The following MAP3K6 variants were observed in gnomAD, a reference collection of about 807,000 sequenced individuals.
MAP3K6 encodes the protein mitogen-activated protein kinase kinase kinase 6.
A neutral mutation model predicts 147.1 loss-of-function variants in MAP3K6; 105 were observed. That is an observed-to-expected ratio of 0.71 (90% CI 0.61 to 0.84). The LOEUF (loss-of-function observed/expected upper bound fraction) is 0.84, where lower values mean the gene tolerates loss of function less well. Among genes scored for constraint, MAP3K6 ranks in the 40% least tolerant of loss-of-function variants. The pLI is 0.00. For missense variants in MAP3K6, 1,569 were observed against 1,715.0 expected (o/e 0.91, Z 1.50); for synonymous variants, 695 against 732.4 (o/e 0.95, Z 0.82).
At position 27,358,685 on chromosome 1, in the gene MAP3K6, G is replaced by C. The variant is rs1224749488; in HGVS notation, c.2583+24C>G. 6.2e-7 allele frequency: 1 copy of C among 1,613,492 alleles called. No homozygotes were observed. Among genetic ancestry groups the C allele is most frequent in the African/African-American group, 1.3e-5 (1 of 74,910 alleles). The stretch of plus-strand genomic sequence containing the variant: ...CAGGCTGGCCCTATGCCACTTCCAT[G>C]GGCCAGGCCCAAAGAGGTCTCACCT... On this transcript the variant is annotated intron_variant, in intron 19 of 28. Coordinates refer to ENST00000357582, the MANE Select transcript of MAP3K6 (RefSeq NM_004672.5). The surrounding 1 kb of genome is among the most constrained non-coding windows in gnomAD (Gnocchi z 6.2).
Position 27,363,431 on chromosome 1 carries a change from C to T in MAP3K6, c.971+11G>A. The T allele has an allele frequency of 6.2e-7, 1 of 1,607,306 alleles. No homozygotes were observed. The highest frequency in any genetic ancestry group is 8.5e-7 in the Non-Finnish European group (1 of 1,176,078). On this transcript the variant is annotated intron_variant, in intron 6 of 28. Coordinates refer to ENST00000357582, the MANE Select transcript of MAP3K6 (RefSeq NM_004672.5). ...ATGTGGCTATGACCTAACCCTTGCT[C>T]TGCCACTCACCGGTTGAGGGCAAAA...
Position 27,355,202 on chromosome 1 carries a change from A to G in MAP3K6, c.*189T>C. ...ACAAAGGTTCAAAAGTGTTCTGTTT[A>G]ATACGCTTTGTCTGGTAGTGCTTGG... is the stretch of plus-strand genomic sequence containing the variant. On this transcript the variant is annotated 3_prime_UTR_variant, in exon 29 of 29. Coordinates refer to ENST00000357582, the MANE Select transcript of MAP3K6 (RefSeq NM_004672.5). The G allele has an allele frequency of 2.9e-6, 2 of 684,628 alleles. No homozygotes were observed. The highest frequency in any genetic ancestry group is 5.4e-6 in the Non-Finnish European group (2 of 372,348). The allele number at this position is 684,628 out of a possible 1,614,324, so 42.4% of individuals were successfully genotyped here.
Position 27,359,519 on chromosome 1 carries a change from C to G in MAP3K6, c.2323G>C (p.Asp775His). 3 of 1,614,078 alleles carry G rather than the reference C, an allele frequency of 1.9e-6. No homozygotes were observed. Among genetic ancestry groups the G allele is most frequent in the African/African-American group, 1.3e-5 (1 of 75,016 alleles). ...NHIVHRDIKG[D>H]NVLINTFSGL... The stretch of plus-strand genomic sequence containing the variant: ...CTGAAGGTGTTGATCAGCACATTGT[C>G]CCCCTGATTGACAGCCATTAGTGGA... Residue 775 changes from aspartate to histidine, a missense_variant, in exon 18 of 29, where the codon GAC becomes CAC. Physicochemically the swap from Asp to His is moderately conservative, Grantham distance 81. Transcript: ENST00000357582. This position sits in a 1 kb window ranked among gnomAD's most constrained non-coding sequence, Gnocchi z 4.4.
intron 8 of MAP3K6, 84 bp downstream of exon 8, chr1:27,362,557 C>A: frequency 9.4e-7 from 1 of 1,066,130 alleles, no homozygotes; most frequent in Non-Finnish European, 1.4e-6. Context: ...CTAGCTCTTG[C>A]CCAGTGTGCT....
chr1:27,362,434 G>A (rs962598242), intron 8 of MAP3K6, among the ~76,000 whole-genome samples, 184 bp from the exon 9 acceptor site: 13 of 152,204 alleles, frequency 8.5e-5, no homozygotes, highest in Non-Finnish European at 2.9e-5. Context: ...TAATGGACAC[G>A]CAGATGTGAG....
chr1:27,361,339 C>G lies in MAP3K6; in HGVS notation c.1736+7G>C. 6.2e-7 allele frequency: 1 copy of G among 1,614,016 alleles called. No individual in the cohort carries two copies. The highest frequency in any genetic ancestry group is 1.1e-5 in the South Asian group (1 of 91,068). ...TCTTTCCAGTCACCCCAGGTCCCGCCTATCACCTGACTCCGCATATGGAGG... is the reference window on the plus strand; with the variant it reads ...TCTTTCCAGTCACCCCAGGTCCCGCGTATCACCTGACTCCGCATATGGAGG... On this transcript the variant is annotated splice_region_variant and intron_variant, in intron 12 of 28. Transcript: ENST00000357582.
rs768233472 is a variant in MAP3K6 at position 27,360,278 on chromosome 1, G to A, written c.2145C>T (p.Gly715=). 1 of 1,614,066 alleles carries A rather than the reference G, an allele frequency of 6.2e-7. No homozygotes were observed. Among genetic ancestry groups the A allele is most frequent in the Non-Finnish European group, 8.5e-7 (1 of 1,179,976 alleles). Residue 715 remains glycine (G), a synonymous_variant, in exon 16 of 29, where the codon GGC becomes GGT. Transcript: ENST00000357582. This position sits in a 1 kb window ranked among gnomAD's most constrained non-coding sequence, Gnocchi z 4.5. ...CCTCCATGAAGATCTTAAGGTAGCC[G>A]CCCTGGCTAGCTGAGCCCAGATAGC... ...IVRYLGSASQ[G]GYLKIFMEEV... is the part of the protein sequence containing the mutation.
At position 27,360,159 on chromosome 1, in the gene MAP3K6, C is replaced by T. The variant is rs529237394; in HGVS notation, c.2182+82G>A. ...ACCCACACGCACTAGGGTGCATTTC[C>T]CCCTAGGGCTCTCTACCCCTGCCTG... On this transcript the variant is annotated intron_variant, in intron 16 of 28. Coordinates refer to ENST00000357582, the MANE Select transcript of MAP3K6 (RefSeq NM_004672.5). This position sits in a 1 kb window ranked among gnomAD's most constrained non-coding sequence, Gnocchi z 4.5. The T allele has an allele frequency of 8.4e-5, 133 of 1,585,786 alleles. 2 individuals are homozygous for T. In the South Asian group the frequency reaches 1.5e-3, roughly 18 times the overall value.
In MAP3K6 at chr1:27,357,777, G is replaced by A. The variant is rs2015586588; in HGVS notation, c.3015C>T (p.Ala1005=). The stretch of plus-strand genomic sequence containing the variant: ...CTGGCAGCTCCTGCTCCAATACTGC[G>A]GCCAGCATGGCCCGACGCTTGCTCT... The part of the protein sequence containing the change: ...HQESKRRAML[A]AVLEQELPAL... Residue 1005 remains alanine (A), a synonymous_variant, in exon 22 of 29, where the codon GCC becomes GCT. Coordinates refer to ENST00000357582, the MANE Select transcript of MAP3K6 (RefSeq NM_004672.5). 2.5e-6 allele frequency: 4 copies of A among 1,610,246 alleles called. No homozygotes were observed. Among genetic ancestry groups the A allele is most frequent in the Admixed American group, 1.7e-5 (1 of 59,778 alleles).
chr1:27,355,342 A>G lies in MAP3K6; in HGVS notation c.*49T>C. ...GTCAGAAGCTGCCTTTGTCCTCTCCATTCATCCATCCTTGGGCCTGTCTGG... is the reference window on the plus strand; with the variant it reads ...GTCAGAAGCTGCCTTTGTCCTCTCCGTTCATCCATCCTTGGGCCTGTCTGG... On this transcript the variant is annotated 3_prime_UTR_variant, in exon 29 of 29. Coordinates refer to ENST00000357582, the MANE Select transcript of MAP3K6 (RefSeq NM_004672.5). 6.5e-7 allele frequency: 1 copy of G among 1,544,578 alleles called. No individual in the cohort carries two copies. Among genetic ancestry groups the G allele is most frequent in the Non-Finnish European group, 9.0e-7 (1 of 1,116,806 alleles).
rs1411413001 is a variant in MAP3K6, at chr1:27,360,896, C to T, written c.1920+25G>A. 5.0e-6 allele frequency: 8 copies of T among 1,608,126 alleles called. No individual in the cohort carries two copies. The highest frequency in any genetic ancestry group is 1.3e-5 in the African/African-American group (1 of 74,874). On this transcript the variant is annotated intron_variant, in intron 14 of 28. Transcript: ENST00000357582. This position sits in a 1 kb window ranked among gnomAD's most constrained non-coding sequence, Gnocchi z 4.5. ...AGGGCCCGCGGCCCCTCGCCCTCCGCGAGCTCCCAGTCCCGCGTCCTCACC... is the reference window on the plus strand; with the variant it reads ...AGGGCCCGCGGCCCCTCGCCCTCCGTGAGCTCCCAGTCCCGCGTCCTCACC...
In MAP3K6 at chr1:27,357,722, T is replaced by A; in HGVS notation, c.3070A>T (p.Lys1024Ter). 1.2e-6 allele frequency: 2 copies of A among 1,611,380 alleles called. No homozygotes were observed. The highest frequency in any genetic ancestry group is 1.7e-6 in the Non-Finnish European group (2 of 1,179,864). Residue 1024 changes from lysine (K) to a stop codon, truncating the protein, a stop_gained, in exon 22 of 29, where the codon AAG becomes TAG. Coordinates refer to ENST00000357582, the MANE Select transcript of MAP3K6 (RefSeq NM_004672.5). LOFTEE classifies it high-confidence loss of function. ...ALAENLHQEQKQEQGARLGRN... is the reference protein window; with the variant it reads ...ALAENLHQEQ ...AGTGGGCCGCCCACCTGCTCTTGCT[T>A]CTGCTCCTGGTGCAGATTCTCCGCC...
At position 27,360,727 on chromosome 1, in the gene MAP3K6, C is replaced by G; in HGVS notation, c.2032G>C (p.Glu678Gln). ...CACCTGCTGTCCCGCTCCGGGATCTCCTTGATGGCGATGCGCACCCTCGTG... is the reference window on the plus strand; with the variant it reads ...CACCTGCTGTCCCGCTCCGGGATCTGCTTGATGGCGATGCGCACCCTCGTG... Reference protein sequence around the residue: ...RHTRVRIAIKEIPERDSRFSQ... With the variant: ...RHTRVRIAIKQIPERDSRFSQ... Residue 678 changes from glutamate (E) to glutamine (Q), a missense_variant, in exon 15 of 29, where the codon GAG becomes CAG. Glu to Gln is a conservative substitution (Grantham distance 29, BLOSUM62 2). Transcript: ENST00000357582. This position sits in a 1 kb window ranked among gnomAD's most constrained non-coding sequence, Gnocchi z 4.5. The G allele has an allele frequency of 6.2e-7, 1 of 1,612,378 alleles. No homozygotes were observed. The highest frequency in any genetic ancestry group is 8.5e-7 in the Non-Finnish European group (1 of 1,179,770).
chr1:27,356,019 G>C lies in MAP3K6; in HGVS notation c.3711+7C>G, dbSNP rs375091053. 2.6e-5 allele frequency: 42 copies of C among 1,613,636 alleles called. No homozygotes were observed. Among genetic ancestry groups the C allele is most frequent in the Middle Eastern group, 1.6e-4 (1 of 6,080 alleles). Reference sequence around the variant, plus strand: ...GGTCAGGGATAGCCAAGCACTCCCCGACTCACCATTTGGATGGTGCCTGAA... The same window carrying C: ...GGTCAGGGATAGCCAAGCACTCCCCCACTCACCATTTGGATGGTGCCTGAA... On this transcript the variant is annotated splice_region_variant and intron_variant, in intron 27 of 28. Transcript: ENST00000357582.
At position 27,363,994 on chromosome 1, in the gene MAP3K6, G is replaced by C; in HGVS notation, c.787C>G (p.Gln263Glu). 6.2e-7 allele frequency: 1 copy of C among 1,610,856 alleles called. No homozygotes were observed. The highest frequency in any genetic ancestry group is 1.1e-5 in the South Asian group (1 of 91,040). Residue 263 changes from glutamine to glutamate, a missense_variant, in exon 5 of 29, where the codon CAG becomes GAG. By Grantham distance (29) the Gln-to-Glu change is conservative (BLOSUM62 2). Transcript: ENST00000357582. Reference protein sequence around the residue: ...PQLRQELARLQRRLDSVELLS... With the variant: ...PQLRQELARLERRLDSVELLS... ...AGCTCCACGCTGTCCAGTCTCCGCT[G>C]CAGGCGAGCCAGCTCCTGCCGCAGC...
chr1:27,355,802 G>T, intron 27 of MAP3K6, 57 bp from the exon 28 acceptor site: 1 of 1,526,458 alleles, frequency 6.6e-7, no homozygotes. Flanking sequence ...AGAAAGATGT[G>T]TCGAGACCCA....
Position 27,366,066 on chromosome 1 carries a change from C to T in MAP3K6, c.340+192G>A, listed in dbSNP as rs949812816. Among the ~76,000 whole-genome samples the T allele has an allele frequency of 2.6e-5, 4 of 152,042 alleles. No individual in the cohort carries two copies. Among genetic ancestry groups the T allele is most frequent in the Non-Finnish European group, 4.4e-5 (3 of 67,992 alleles). Reference sequence around the variant, plus strand: ...CCGGATCCCTGTCTCGTCCCGAGCCCGGCCGCGCCCCAGATCCCCTAAATC... The same window carrying T: ...CCGGATCCCTGTCTCGTCCCGAGCCTGGCCGCGCCCCAGATCCCCTAAATC... On this transcript the variant is annotated intron_variant, in intron 1 of 28. Coordinates refer to ENST00000357582, the MANE Select transcript of MAP3K6 (RefSeq NM_004672.5). The surrounding 1 kb of genome is among the most constrained non-coding windows in gnomAD (Gnocchi z 5.5).
At position 27,364,073 on chromosome 1, in the gene MAP3K6, C is replaced by T; in HGVS notation, c.708G>A (p.Arg236=). Residue 236 remains arginine (R), a synonymous_variant, in exon 5 of 29, where the codon CGG becomes CGA. Transcript: ENST00000357582. This position sits in a 1 kb window ranked among gnomAD's most constrained non-coding sequence, Gnocchi z 4.4. ...ATPTDSCGYF[R]ETIRRDIRQA... ...GCCGGATGTCCCGCCGAATGGTCTC[C>T]CGGAAATAGCCACTGATGCCCAGGG... 1 of 1,612,310 alleles carries T rather than the reference C, an allele frequency of 6.2e-7. No homozygotes were observed. The highest frequency in any genetic ancestry group is 8.5e-7 in the Non-Finnish European group (1 of 1,179,504).
At chr1:27,365,229 C>A (rs909919226) in intron 1 of MAP3K6, among the ~76,000 whole-genome samples, 2 of 152,096 alleles carry the variant, frequency 1.3e-5, no homozygotes, top group Non-Finnish European at 2.9e-5. Flanking sequence ...GTGGGAGTTG[C>A]GCAAACATAG....
Sources: gnomAD v4.1 joint callset for allele counts (sites outside exome capture counted in the v4.1 genomes callset) on GRCh38, gnomAD v4.1.1 for gene constraint, Gnocchi (gnomAD v3.1) non-coding constraint, MANE v1.5 for transcripts, NCBI Gene and HGNC (gene_info 2026-07-23, HGNC 2026-07-21) for gene names.